GABRA5: variants seen among roughly 807,000 people sequenced by gnomAD.
The protein encoded by GABRA5 is gamma-aminobutyric acid receptor subunit alpha-5.
A neutral mutation model predicts 47.3 loss-of-function variants in GABRA5; 18 were observed. The observed-to-expected ratio is 0.38, with a 90% CI of 0.26 to 0.56. GABRA5 has a LOEUF of 0.56. Ranked by LOEUF, GABRA5 falls within the 20% of genes least tolerant of loss-of-function variation. The pLI, the probability that GABRA5 is intolerant of heterozygous loss-of-function variation, is 0.71. For synonymous variants in GABRA5, 237 were observed against 229.3 expected (o/e 1.03, Z -0.30); for missense variants, 365 against 599.3 (o/e 0.61, Z 4.08).
intron 6 of GABRA5, among the ~76,000 whole-genome samples, chr15:26,908,427 G>A (rs758588950): frequency 2.0e-5 from 3 of 152,152 alleles, no homozygotes; most frequent in Non-Finnish European, 4.4e-5. Flanking sequence ...AGAGGCACCA[G>A]AGTCAGGCTG....
At chr15:26,935,639 G>C (rs530532248) in intron 7 of GABRA5, among the ~76,000 whole-genome samples, 2 of 152,322 alleles carry the variant, frequency 1.3e-5, no homozygotes, top group East Asian at 3.9e-4. Context: ...AGTGATGAGT[G>C]GGCCACAGCC....
At chr15:26,870,980 G>T (rs1227649423) in intron 3 of GABRA5, among the ~76,000 whole-genome samples, 1 of 152,172 alleles carries the variant, frequency 6.6e-6, no homozygotes, top group Non-Finnish European at 1.5e-5. Context: ...GATCGCCTGA[G>T]GTCAGGAGTT....
chr15:26,914,665 G>T, intron 6 of GABRA5, 138 bp from the exon 7 acceptor site: 1 of 653,056 alleles, frequency 1.5e-6, no homozygotes, highest in Non-Finnish European at 2.7e-6. Context: ...ACGTAATTTG[G>T]TGGGGATAGT....
In GABRA5 at chr15:26,867,580, G is replaced by C. The variant is rs972357150; in HGVS notation, c.-140+469G>C. ...GCGCAAACTTTACCCTGGCGACTGC[G>C]GGGCTGAAGCCGGGCGCGGGAGAGA... On this transcript the variant is annotated intron_variant, in intron 1 of 10. Transcript: ENST00000335625. This position sits in a 1 kb window ranked among gnomAD's most constrained non-coding sequence, Gnocchi z 5.9. Among the ~76,000 whole-genome samples, 1 of 151,980 alleles carries C rather than the reference G, an allele frequency of 6.6e-6. No homozygotes were observed.
At chr15:26,876,839 A>C (rs1484643237) in intron 3 of GABRA5, among the ~76,000 whole-genome samples, 1 of 152,144 alleles carries the variant, frequency 6.6e-6, no homozygotes, top group African/African-American at 2.4e-5. Flanking sequence ...GAATGTGTGT[A>C]AGGACTGGGA....
chr15:26,888,675 A>T (rs1044443658), intron 6 of GABRA5, among the ~76,000 whole-genome samples: 1 of 152,230 alleles, frequency 6.6e-6, no homozygotes. Context: ...TCTGACATAC[A>T]TACACCATTA....
intron 7 of GABRA5, among the ~76,000 whole-genome samples, chr15:26,929,708 T>G (rs1894045584): frequency 6.6e-6 from 1 of 152,196 alleles, no homozygotes; most frequent in Admixed American, 6.5e-5. Flanking sequence ...AGTGTGGTGC[T>G]GGAGAGCAGG....
chr15:26,935,346 C>T (rs1424745940), intron 7 of GABRA5, among the ~76,000 whole-genome samples: 1 of 152,350 alleles, frequency 6.6e-6, no homozygotes, highest in Non-Finnish European at 1.5e-5. Context: ...CTCAGTGATT[C>T]TAGGTATCTT....
At chr15:26,885,037 C>T (rs1211979663) in intron 6 of GABRA5, among the ~76,000 whole-genome samples, 1 of 152,148 alleles carries the variant, frequency 6.6e-6, no homozygotes. Flanking sequence ...TGGCTCACGC[C>T]TGTAATCCCA....
chr15:26,894,268 T>C (rs767223750), intron 6 of GABRA5, among the ~76,000 whole-genome samples: 1 of 152,098 alleles, frequency 6.6e-6, no homozygotes, highest in Non-Finnish European at 1.5e-5. Flanking sequence ...TGCTTTTCCT[T>C]CTTCAGGCCA....
At chr15:26,904,558 A>T (rs1893398375) in intron 6 of GABRA5, among the ~76,000 whole-genome samples, 1 of 152,092 alleles carries the variant, frequency 6.6e-6, no homozygotes, top group Non-Finnish European at 1.5e-5. Context: ...TTTCAGCAGT[A>T]TGGCCATTTT....
intron 6 of GABRA5, among the ~76,000 whole-genome samples, chr15:26,905,386 A>G (rs1893421370): frequency 6.6e-6 from 1 of 151,876 alleles, no homozygotes; most frequent in South Asian, 2.1e-4. Flanking sequence ...TCCCTTGTGC[A>G]TAAGTTTCTT....
At position 26,914,467 on chromosome 15, in the gene GABRA5, G is replaced by C. The variant is rs147710995; in HGVS notation, c.498-336G>C. Among the ~76,000 whole-genome samples, 8 of 152,068 alleles carry C rather than the reference G, an allele frequency of 5.3e-5. No homozygotes were observed. In the East Asian group the frequency reaches 1.5e-3, roughly 29 times the overall value. ...TTAGAAAATGCATGTTTTCAGTCCC[G>C]TCAAGGAAAGCTTTATGATAATGCT... On this transcript the variant is annotated intron_variant, in intron 6 of 10. Coordinates refer to ENST00000335625, the MANE Select transcript of GABRA5 (RefSeq NM_000810.4).
chr15:26,919,834 T>G (rs1162586299), intron 7 of GABRA5, among the ~76,000 whole-genome samples: 3 of 152,192 alleles, frequency 2.0e-5, no homozygotes, highest in Admixed American at 2.0e-4. Flanking sequence ...TTTCTGCTTT[T>G]GTTTTTCTGG....
chr15:26,879,486 T>C (rs1318429077), intron 3 of GABRA5, among the ~76,000 whole-genome samples: 1 of 152,204 alleles, frequency 6.6e-6, no homozygotes, highest in Non-Finnish European at 1.5e-5. Flanking sequence ...AGTATACATC[T>C]GTGGGCTCCG....
intron 6 of GABRA5, among the ~76,000 whole-genome samples, chr15:26,891,649 G>C (rs1893009021): frequency 6.6e-6 from 1 of 152,190 alleles, no homozygotes; most frequent in South Asian, 2.1e-4. Context: ...AGTGCTTCAT[G>C]TCTGCAGAGT....
rs1279146678 is a variant in GABRA5, at chr15:26,925,682, CT to C, written c.580+10806del. Among the ~76,000 whole-genome samples, 49 of 151,276 alleles carry C rather than the reference CT, an allele frequency of 3.2e-4. No individual in the cohort carries two copies. The East Asian group carries it at 4.7e-3, about 14-fold the overall frequency. ...TTGCGTTTTCTCTTGAGCACAGGTC[CT>C]TTTTTTTTGTTTCTTTTACGTATAA... On this transcript the variant is annotated intron_variant, in intron 7 of 10. Transcript: ENST00000335625.
chr15:26,877,568 A>C (rs1892628877), intron 3 of GABRA5: 1 of 409,412 alleles, frequency 2.4e-6, no homozygotes, highest in African/African-American at 2.1e-5. Context: ...CACTGTATGT[A>C]AGTCAGAAGT....
intron 6 of GABRA5, among the ~76,000 whole-genome samples, chr15:26,908,809 A>G (rs562948987): frequency 2.9e-4 from 44 of 152,322 alleles, no homozygotes; most frequent in African/African-American, 8.4e-4. Flanking sequence ...GATGCCTCAC[A>G]TGAGATGTCT....
Sources: allele counts gnomAD v4.1 joint callset (sites outside exome capture counted in the v4.1 genomes callset), GRCh38; gene constraint gnomAD v4.1.1; non-coding constraint Gnocchi (gnomAD v3.1); transcripts MANE v1.5; gene names NCBI Gene and HGNC (gene_info 2026-07-23, HGNC 2026-07-21).